The following MORC3 variants were observed in gnomAD, a reference collection of about 807,000 sequenced individuals.
MORC3 encodes the protein MORC family CW-type zinc finger protein 3.
Under a neutral mutation model 109.1 loss-of-function variants are expected in MORC3, and 31 were observed. The ratio of observed to expected loss-of-function variants is 0.28; its 90% confidence interval spans 0.21 to 0.38. The LOEUF is 0.38. Ranked by LOEUF, MORC3 falls within the 10% of genes least tolerant of loss-of-function variation. The probability of loss-of-function intolerance (pLI) is 1.00; values close to 1 mark genes in which losing one functional copy is unlikely to be tolerated. For missense variants in MORC3, 867 were observed against 1,135.8 expected (o/e 0.76, Z 3.40); for synonymous variants, 395 against 380.7 (o/e 1.04, Z -0.44).
intron 5 of MORC3, among the ~76,000 whole-genome samples, chr21:36,340,557 G>A (rs1457005789): frequency 2.0e-5 from 3 of 148,018 alleles, no homozygotes; most frequent in Admixed American, 1.3e-4. Context: ...AACTCCTGGC[G>A]TTTTCCAGGT....
At chr21:36,354,341 T>TTG (rs2085618490) in intron 9 of MORC3, among the ~76,000 whole-genome samples, 1 of 147,970 alleles carries the variant, frequency 6.8e-6, no homozygotes, top group South Asian at 2.2e-4. Context: ...TTTTTTTTTT[T>TTG]GAGATGGAGT....
At chr21:36,338,689 C>G in intron 4 of MORC3, 85 bp from the exon 5 acceptor site, 21 of 1,197,978 alleles carry the variant, frequency 1.8e-5, no homozygotes, top group Non-Finnish European at 2.2e-5. Flanking sequence ...AATAGTTTTT[C>G]TGTTATTTAA....
At chr21:36,370,516 T>G (rs73383715) in intron 15 of MORC3, among the ~76,000 whole-genome samples, 6,990 of 150,952 alleles carry the variant, frequency 0.046, 519 homozygotes, top group African/African-American at 0.16. Context: ...AATCCTTTAG[T>G]TATGGAGTCA....
intron 9 of MORC3, among the ~76,000 whole-genome samples, chr21:36,350,397 A>C (rs1360265779): frequency 6.6e-6 from 1 of 152,100 alleles, no homozygotes; most frequent in Non-Finnish European, 1.5e-5. Context: ...GTTTGAGACC[A>C]GCCTGGGCAA....
In MORC3 at chr21:36,359,977, G is replaced by A; in HGVS notation, c.1231G>A (p.Val411Ile). 1 of 1,614,164 alleles carries A rather than the reference G, an allele frequency of 6.2e-7. No individual in the cohort carries two copies. Among genetic ancestry groups the A allele is most frequent in the Non-Finnish European group, 8.5e-7 (1 of 1,180,028 alleles). The change falls in exon 11 of 17, where the codon GTT becomes ATT. Residue 411 changes from valine to isoleucine, a missense_variant. Val to Ile is a conservative substitution (Grantham distance 29, BLOSUM62 3). Transcript: ENST00000400485. Reference sequence around the variant, plus strand: ...CAGGAAGCGTCCTGATCAGACATGGGTTCAGTGTGATGCCTGTCTAAAGTG... The same window carrying A: ...CAGGAAGCGTCCTGATCAGACATGGATTCAGTGTGATGCCTGTCTAAAGTG... ...DIQKRPDQTWVQCDACLKWRK... is the reference protein window; with the variant it reads ...DIQKRPDQTWIQCDACLKWRK...
chr21:36,336,745 C>G (rs1047847296), intron 2 of MORC3, 129 bp from the exon 3 acceptor site: 4 of 826,120 alleles, frequency 4.8e-6, no homozygotes, highest in South Asian at 3.2e-5. Flanking sequence ...AATTTTAAAG[C>G]TGCTAAAAAT....
At chr21:36,320,531 C>A in intron 1 of MORC3, 2 of 370,720 alleles carry the variant, frequency 5.4e-6, no homozygotes, top group Non-Finnish European at 4.6e-6. Context: ...TGCTTCGGGG[C>A]GGGCCAGGGT....
intron 1 of MORC3, chr21:36,320,577 A>G: frequency 3.1e-6 from 1 of 321,560 alleles, no homozygotes; most frequent in South Asian, 1.6e-4. Context: ...CTAGTCTCCC[A>G]GCAGCTGTCG....
intron 10 of MORC3, among the ~76,000 whole-genome samples, chr21:36,357,633 G>A (rs981872717): frequency 6.6e-6 from 1 of 151,698 alleles, no homozygotes; most frequent in Non-Finnish European, 1.5e-5. Flanking sequence ...ATTAGCAGTG[G>A]TAATTTCCTG....
chr21:36,336,757 G>A (rs1255087287), intron 2 of MORC3, 117 bp from the exon 3 acceptor site: 1 of 998,170 alleles, frequency 1.0e-6, no homozygotes, highest in Non-Finnish European at 1.4e-6. Context: ...GCTAAAAATT[G>A]CAGCTTTTAA....
At chr21:36,370,639 ATTTTTTTTTTT>A (rs869169013) in intron 15 of MORC3, among the ~76,000 whole-genome samples, 36 of 37,556 alleles carry the variant, frequency 9.6e-4, no homozygotes, top group East Asian at 7.7e-3. Flanking sequence ...ATATATATAT[ATTTTTTTTTTT>A]TTTTTTTTTT....
intron 9 of MORC3, among the ~76,000 whole-genome samples, chr21:36,354,275 A>ATT (rs1366347335): frequency 1.4e-5 from 2 of 147,774 alleles, no homozygotes; most frequent in African/African-American, 5.0e-5. Flanking sequence ...ATACACTGTA[A>ATT]TTTCTGTCTG....
Position 36,370,669 on chromosome 21 carries a change from T to TTTC in MORC3, c.2508+805_2508+807dup, listed in dbSNP as rs772577827. Among the ~76,000 whole-genome samples, 8 of 82,486 alleles carry TTTC rather than the reference T, an allele frequency of 9.7e-5. 1 individual carries two copies. The highest frequency in any genetic ancestry group is 4.4e-4 in the African/African-American group (6 of 13,772). 54.1% of individuals were successfully genotyped at this position (82,486 alleles called of 152,430 possible). On this transcript the variant is annotated intron_variant, in intron 15 of 16. Coordinates refer to ENST00000400485, the MANE Select transcript of MORC3 (RefSeq NM_015358.3). ...TTTTTTTTTTTTTTTTTTTTTTTTT[T>TTTC]TTCTTCTTCTTCTTGAGACAGAATT...
Position 36,338,005 on chromosome 21 carries a change from A to G in MORC3, c.460+59A>G, listed in dbSNP as rs1480584549. The stretch of plus-strand genomic sequence containing the variant: ...GAAACTGAAGAAATAATTTGGAAAC[A>G]TTCTATGTTTTTGCCTTCTTCCAGA... On this transcript the variant is annotated intron_variant, in intron 4 of 16. Transcript: ENST00000400485. 13 of 1,568,450 alleles carry G rather than the reference A, an allele frequency of 8.3e-6. No individual in the cohort carries two copies. In the East Asian group the frequency reaches 1.1e-4, roughly 14 times the overall value.
At chr21:36,338,066 C>T (rs1463485478) in intron 4 of MORC3, 120 bp downstream of exon 4, 10 of 967,004 alleles carry the variant, frequency 1.0e-5, no homozygotes, top group Non-Finnish European at 1.2e-5. Flanking sequence ...CCATTTCTTA[C>T]CTCTGTCCTC....
chr21:36,336,012 G>A (rs551952840), intron 2 of MORC3, among the ~76,000 whole-genome samples: 2 of 151,704 alleles, frequency 1.3e-5, no homozygotes, highest in East Asian at 3.9e-4. Flanking sequence ...TGCAACCTCC[G>A]CCTCCTGGGT....
chr21:36,346,580 C>T (rs1021959584), intron 8 of MORC3, among the ~76,000 whole-genome samples: 6 of 151,774 alleles, frequency 4.0e-5, no homozygotes, highest in East Asian at 1.9e-4. Context: ...AGGTCTGGGC[C>T]GGGGGATTGC....
At chr21:36,333,790 T>A (rs868014112) in intron 2 of MORC3, 72 bp downstream of exon 2, 25 of 845,918 alleles carry the variant, frequency 3.0e-5, no homozygotes, top group Admixed American at 1.5e-4. Flanking sequence ...TTTTGTTTTG[T>A]TTTTTTTTTT....
chr21:36,369,198 T>A lies in MORC3; in HGVS notation c.1830T>A (p.Val610=), dbSNP rs766783648. The A allele has an allele frequency of 7.4e-6, 12 of 1,614,180 alleles. No homozygotes were observed. Among genetic ancestry groups the A allele is most frequent in the Non-Finnish European group, 1.0e-5 (12 of 1,180,042 alleles). The part of the protein sequence containing the change: ...QSHVEQGGVQ[V]EFVGDSEPCG... ...ACGTTGAGCAAGGTGGTGTTCAGGT[T>A]GAGTTTGTGGGTGACAGTGAACCTT... The change falls in exon 15 of 17, where the codon GTT becomes GTA. Residue 610 remains valine (V), a synonymous_variant. Coordinates refer to ENST00000400485, the MANE Select transcript of MORC3 (RefSeq NM_015358.3).
Sources: gnomAD v4.1 joint callset for allele counts (sites outside exome capture counted in the v4.1 genomes callset) on GRCh38, gnomAD v4.1.1 for gene constraint, MANE v1.5 for transcripts, NCBI Gene and HGNC (gene_info 2026-07-23, HGNC 2026-07-21) for gene names.